Variants in GALNTL6 observed in about 807,000 individuals in gnomAD.
The protein encoded by GALNTL6 is polypeptide N-acetylgalactosaminyltransferase like 6.
In GALNTL6, 46 loss-of-function variants were observed where a neutral mutation model predicts 73.7. That is an observed-to-expected ratio of 0.62 (90% CI 0.49 to 0.80). The LOEUF (loss-of-function observed/expected upper bound fraction) is 0.80, where lower values mean the gene tolerates loss of function less well. GALNTL6 is among the 30% of genes least tolerant of loss of function. GALNTL6 has a pLI of 0.00. For missense variants in GALNTL6, 604 were observed against 755.0 expected, an observed-to-expected ratio of 0.80 and a Z score of 2.34; for synonymous variants, 259 against 263.7, an observed-to-expected ratio of 0.98 and a Z score of 0.17.
At chr4:171,846,952 A>AATTATATATACATATAATTATATGTC (rs1468770216) in intron 2 of GALNTL6, among the ~76,000 whole-genome samples, 2 of 145,754 alleles carry the variant, frequency 1.4e-5, no homozygotes, top group African/African-American at 5.0e-5. Flanking sequence ...AATTATATGT[A>AATTATATATACATATAATTATATGTC]ATTATATATG....
intron 2 of GALNTL6, among the ~76,000 whole-genome samples, chr4:172,193,967 A>C (rs963065895): frequency 1.3e-5 from 2 of 152,204 alleles, no homozygotes; most frequent in Non-Finnish European, 2.9e-5. Context: ...CCAAGGGCAC[A>C]AAACTGGACA....
At chr4:173,028,555 C>T (rs889465856) in intron 12 of GALNTL6, among the ~76,000 whole-genome samples, 7 of 152,132 alleles carry the variant, frequency 4.6e-5, no homozygotes, top group South Asian at 2.1e-4. Flanking sequence ...CCCTCACCCC[C>T]GCCAACTACC....
chr4:172,396,412 T>C (rs1187446498), intron 5 of GALNTL6, among the ~76,000 whole-genome samples: 1 of 152,106 alleles, frequency 6.6e-6, no homozygotes, highest in Non-Finnish European at 1.5e-5. Flanking sequence ...AGATCTACTA[T>C]TTATTTTTGA....
intron 2 of GALNTL6, among the ~76,000 whole-genome samples, chr4:172,086,130 C>G (rs1732025611): frequency 6.6e-6 from 1 of 151,892 alleles, no homozygotes; most frequent in Non-Finnish European, 1.5e-5. Context: ...AAGAATTGTC[C>G]TGAGGGATTT....
chr4:172,164,147 C>A (rs572287200), intron 2 of GALNTL6, among the ~76,000 whole-genome samples: 1 of 152,002 alleles, frequency 6.6e-6, no homozygotes, highest in South Asian at 2.1e-4. Context: ...TGACATGGGA[C>A]TGACTTACTC....
intron 5 of GALNTL6, among the ~76,000 whole-genome samples, chr4:172,382,694 G>GT (rs1743326608): frequency 6.6e-6 from 1 of 151,946 alleles, no homozygotes; most frequent in African/African-American, 2.4e-5. Flanking sequence ...AAAGTTTCCC[G>GT]TATGTTCTCT....
intron 2 of GALNTL6, among the ~76,000 whole-genome samples, chr4:171,934,281 C>T (rs1738275478): frequency 6.6e-6 from 1 of 152,132 alleles, no homozygotes; most frequent in Non-Finnish European, 1.5e-5. Context: ...AAGAACAATA[C>T]TAAAATAATC....
intron 2 of GALNTL6, among the ~76,000 whole-genome samples, chr4:171,854,406 G>T (rs1360224969): frequency 1.3e-5 from 2 of 152,214 alleles, no homozygotes; most frequent in African/African-American, 4.8e-5. Context: ...ACCAGTTTCA[G>T]TTGTCAATTT....
chr4:172,135,287 C>A (rs1291789941), intron 2 of GALNTL6, among the ~76,000 whole-genome samples: 2 of 152,010 alleles, frequency 1.3e-5, no homozygotes, highest in Admixed American at 6.5e-5. Flanking sequence ...ATTAATTCTG[C>A]AGAACACTGA....
At chr4:172,164,400 C>A (rs545826375) in intron 2 of GALNTL6, among the ~76,000 whole-genome samples, 1 of 151,898 alleles carries the variant, frequency 6.6e-6, no homozygotes, top group East Asian at 1.9e-4. Flanking sequence ...TGTAAATTTT[C>A]ATTAGGATGT....
At chr4:172,142,024 T>G (rs1178755024) in intron 2 of GALNTL6, among the ~76,000 whole-genome samples, 2 of 152,020 alleles carry the variant, frequency 1.3e-5, no homozygotes, top group African/African-American at 2.4e-5. Flanking sequence ...AATTTGTTTT[T>G]AGTTCTAGTG....
At position 172,977,613 on chromosome 4, in the gene GALNTL6, CTGAG is replaced by C. The variant is rs544547421; in HGVS notation, c.1371+25356_1371+25359del. On this transcript the variant is annotated intron_variant, in intron 10 of 12. Transcript: ENST00000506823. The stretch of plus-strand genomic sequence containing the variant: ...TTTGGTGCAGAATACACTGCATACT[CTGAG>C]AGAGAGAGGATTCATGGCAGGCTGC... 7.9e-4 allele frequency among the ~76,000 whole-genome samples: 121 copies of C among 152,226 alleles called. No individual in the cohort carries two copies. The Middle Eastern group carries it at 0.017, about 21-fold the overall frequency.
At chr4:172,398,508 C>G (rs1743926825) in intron 5 of GALNTL6, among the ~76,000 whole-genome samples, 1 of 152,128 alleles carries the variant, frequency 6.6e-6, no homozygotes, top group African/African-American at 2.4e-5. Context: ...CGGCACTCTC[C>G]TTTTCAAAAT....
intron 3 of GALNTL6, among the ~76,000 whole-genome samples, chr4:172,234,772 CTT>C (rs2110978406): frequency 6.6e-6 from 1 of 152,104 alleles, no homozygotes; most frequent in African/African-American, 2.4e-5. Context: ...CTTATCAAGT[CTT>C]TGTCAAGTTT....
At chr4:171,880,578 G>A (rs997821394) in intron 2 of GALNTL6, among the ~76,000 whole-genome samples, 1 of 152,172 alleles carries the variant, frequency 6.6e-6, no homozygotes, top group Non-Finnish European at 1.5e-5. Context: ...CCAGAATTGT[G>A]CTGAAGCAGG....
chr4:172,497,879 GA>G (rs1391146694), intron 5 of GALNTL6, among the ~76,000 whole-genome samples: 2 of 151,790 alleles, frequency 1.3e-5, no homozygotes, highest in Non-Finnish European at 2.9e-5. Flanking sequence ...ATTTTGGTAA[GA>G]AAATGCCAGG....
At chr4:172,227,360 T>A (rs1736904166) in intron 2 of GALNTL6, among the ~76,000 whole-genome samples, 1 of 152,194 alleles carries the variant, frequency 6.6e-6, no homozygotes, top group Non-Finnish European at 1.5e-5. Flanking sequence ...GGAACCCTGA[T>A]TTTCACTGCA....
intron 3 of GALNTL6, among the ~76,000 whole-genome samples, chr4:172,260,858 A>T (rs1738233879): frequency 6.6e-6 from 1 of 151,282 alleles, no homozygotes; most frequent in Non-Finnish European, 1.5e-5. Context: ...TTATTAAGAT[A>T]ATTATACAAT....
At chr4:172,182,552 C>CAA (rs1654871204) in intron 2 of GALNTL6, among the ~76,000 whole-genome samples, 1 of 36,472 alleles carries the variant, frequency 2.7e-5, no homozygotes, top group African/African-American at 9.1e-5. Context: ...ATGAAAAATA[C>CAA]CAAAAAAAAA....
Sources: allele counts gnomAD v4.1 joint callset (sites outside exome capture counted in the v4.1 genomes callset), GRCh38; gene constraint gnomAD v4.1.1; transcripts MANE v1.5; gene names NCBI Gene and HGNC (gene_info 2026-07-23, HGNC 2026-07-21).